Variants in CUL5 observed in about 807,000 individuals in gnomAD.
The protein encoded by CUL5 is cullin 5.
CUL5 carries 26 observed loss-of-function variants against 108.8 expected under a neutral mutation model. That is an observed-to-expected ratio of 0.24 (90% CI 0.18 to 0.33). CUL5 has a LOEUF of 0.33. Among genes scored for constraint, CUL5 ranks in the 10% least tolerant of loss-of-function variants. The pLI, the probability that CUL5 is intolerant of heterozygous loss-of-function variation, is 1.00. For synonymous variants in CUL5, 334 were observed against 298.0 expected (o/e 1.12, Z -1.25); for missense variants, 524 against 909.2 (o/e 0.58, Z 5.45).
intron 18 of CUL5, among the ~76,000 whole-genome samples, chr11:108,102,943 A>G (rs1864707420): frequency 6.6e-6 from 1 of 151,222 alleles, no homozygotes; most frequent in Non-Finnish European, 1.5e-5. Context: ...CCACAGACAC[A>G]CGCCACCATG....
At chr11:108,076,428 A>G (rs1010485971) in intron 10 of CUL5, among the ~76,000 whole-genome samples, 1 of 152,090 alleles carries the variant, frequency 6.6e-6, no homozygotes, top group African/African-American at 2.4e-5. Flanking sequence ...CATGTCACCT[A>G]CATTTCCTTG....
At chr11:108,043,759 G>T (rs1318360754) in intron 2 of CUL5, among the ~76,000 whole-genome samples, 2 of 152,174 alleles carry the variant, frequency 1.3e-5, no homozygotes, top group Non-Finnish European at 2.9e-5. Context: ...TATCTGGCTG[G>T]TGCCTCATGC....
intron 7 of CUL5, among the ~76,000 whole-genome samples, chr11:108,057,124 A>C (rs1216878749): frequency 6.6e-6 from 1 of 152,176 alleles, no homozygotes; most frequent in East Asian, 1.9e-4. Flanking sequence ...ATGAACTTTC[A>C]ACTGTAAAAG....
chr11:108,046,714 G>A (rs889735644), intron 3 of CUL5, among the ~76,000 whole-genome samples: 2 of 151,824 alleles, frequency 1.3e-5, no homozygotes, highest in South Asian at 2.1e-4. Context: ...CTCTTCTCAA[G>A]TTGACAGTAA....
intron 16 of CUL5, among the ~76,000 whole-genome samples, chr11:108,097,327 A>G (rs1371284790): frequency 6.6e-6 from 1 of 152,124 alleles, no homozygotes; most frequent in East Asian, 1.9e-4. Context: ...GAAGTTCCAA[A>G]ATTAATTATT....
intron 2 of CUL5, among the ~76,000 whole-genome samples, chr11:108,038,192 T>C (rs1862793865): frequency 6.6e-6 from 1 of 151,788 alleles, no homozygotes; most frequent in Non-Finnish European, 1.5e-5. Flanking sequence ...TTATGAATGA[T>C]ATGTTGGGTG....
chr11:108,082,730 C>T (rs946055622), intron 11 of CUL5, among the ~76,000 whole-genome samples: 1 of 151,984 alleles, frequency 6.6e-6, no homozygotes, highest in Non-Finnish European at 1.5e-5. Flanking sequence ...CTGCAGCCTT[C>T]GCCTCCTGGG....
At chr11:108,014,921 C>T (rs113308636) in intron 1 of CUL5, among the ~76,000 whole-genome samples, 5 of 152,010 alleles carry the variant, frequency 3.3e-5, no homozygotes, top group Non-Finnish European at 5.9e-5. Flanking sequence ...ATTTTTGAGA[C>T]GGGGTCTCAC....
chr11:108,052,869 ACAAT>A (rs1863270386), intron 5 of CUL5, 68 bp downstream of exon 5: 1 of 1,369,454 alleles, frequency 7.3e-7, no homozygotes, highest in Non-Finnish European at 9.9e-7. Context: ...ATGGAATAGC[ACAAT>A]CAAAGTTAAG....
At chr11:108,021,060 C>T (rs1862315723) in intron 1 of CUL5, among the ~76,000 whole-genome samples, 1 of 152,218 alleles carries the variant, frequency 6.6e-6, no homozygotes, top group South Asian at 2.1e-4. Flanking sequence ...AGTACAGTTA[C>T]ATGCTATATA....
intron 11 of CUL5, among the ~76,000 whole-genome samples, chr11:108,085,891 A>C (rs889327217): frequency 6.6e-6 from 1 of 152,168 alleles, no homozygotes; most frequent in Non-Finnish European, 1.5e-5. Flanking sequence ...TGATTACGCA[A>C]CCCTCTGAAT....
At chr11:108,041,150 A>G (rs190511728) in intron 2 of CUL5, among the ~76,000 whole-genome samples, 1 of 152,218 alleles carries the variant, frequency 6.6e-6, no homozygotes, top group Admixed American at 6.5e-5. Flanking sequence ...CTTACTGCTC[A>G]AGCTTCCTTT....
intron 7 of CUL5, among the ~76,000 whole-genome samples, chr11:108,056,881 A>G (rs1056459636): frequency 3.3e-5 from 5 of 152,216 alleles, no homozygotes; most frequent in African/African-American, 1.2e-4. Flanking sequence ...AATCAAGCCA[A>G]TAATGTTCTG....
At chr11:108,095,052 A>G in intron 15 of CUL5, 65 bp downstream of exon 15, 1 of 1,346,230 alleles carries the variant, frequency 7.4e-7, no homozygotes, top group Non-Finnish European at 1.0e-6. Context: ...GACTCCGCAG[A>G]ATTGCTTAAA....
chr11:108,037,099 T>C (rs1481026533), intron 2 of CUL5, among the ~76,000 whole-genome samples: 1 of 152,080 alleles, frequency 6.6e-6, no homozygotes, highest in East Asian at 1.9e-4. Flanking sequence ...TTTGGGCCTC[T>C]TCCCACCTGG....
At chr11:108,070,265 T>A in intron 8 of CUL5, 76 bp downstream of exon 8, 6 of 1,038,742 alleles carry the variant, frequency 5.8e-6, no homozygotes, top group Non-Finnish European at 8.9e-6. Flanking sequence ...ACTAAGTTGC[T>A]CTTAGTTAAT....
intron 7 of CUL5, among the ~76,000 whole-genome samples, chr11:108,057,560 A>C (rs1451746654): frequency 6.6e-6 from 1 of 152,186 alleles, no homozygotes; most frequent in Admixed American, 6.5e-5. Flanking sequence ...TGTAATAATG[A>C]GGAAAGATTA....
chr11:108,074,681 G>A (rs1377686861), intron 10 of CUL5, among the ~76,000 whole-genome samples: 7 of 151,990 alleles, frequency 4.6e-5, no homozygotes, highest in African/African-American at 7.2e-5. Context: ...TGGTACATGC[G>A]TGTAATTCCA....
intron 8 of CUL5, among the ~76,000 whole-genome samples, chr11:108,071,852 C>G (rs1464304142): frequency 6.6e-6 from 1 of 152,116 alleles, no homozygotes; most frequent in African/African-American, 2.4e-5. Context: ...CCACACCCAG[C>G]CTGATCACTT....
Sources: allele counts gnomAD v4.1 joint callset (sites outside exome capture counted in the v4.1 genomes callset), GRCh38; gene constraint gnomAD v4.1.1; transcripts MANE v1.5; gene names NCBI Gene and HGNC (gene_info 2026-07-23, HGNC 2026-07-21).